AR: variants seen among roughly 807,000 people sequenced by gnomAD.
AR encodes dihydrotestosterone receptor.
In AR, 8 loss-of-function variants were observed where a neutral mutation model predicts 53.9. That is an observed-to-expected ratio of 0.15 (90% CI 0.09 to 0.27). The LOEUF (loss-of-function observed/expected upper bound fraction) is 0.27. Among genes scored for constraint, AR ranks in the 10% least tolerant of loss-of-function variants. AR has a pLI of 1.00. For missense variants in AR, 639 were observed against 742.5 expected (o/e 0.86, Z 1.62); for synonymous variants, 359 against 316.4 (o/e 1.13, Z -1.43).
intron 1 of AR, among the ~76,000 whole-genome samples, chrX:67,610,355 A>G (rs1040318753): frequency 9.0e-6 from 1 of 111,125 alleles, no homozygotes; most frequent in Non-Finnish European, 1.9e-5. Context: ...TTGGTTTGAT[A>G]TTTTTTATTA....
At chrX:67,722,257 T>A in intron 6 of AR, 1 of 304,162 alleles carries the variant, frequency 3.3e-6, no homozygotes, top group Non-Finnish European at 5.9e-6. Context: ...GTCTCTGAAT[T>A]TTTCCATAGC....
At position 67,630,315 on chromosome X, in the gene AR, G is replaced by T. The variant is rs1259579627; in HGVS notation, c.1617-12941G>T. On this transcript the variant is annotated intron_variant, in intron 1 of 7. Coordinates refer to ENST00000374690, the MANE Select transcript of AR (RefSeq NM_000044.6). The stretch of plus-strand genomic sequence containing the variant: ...ACTAAGGACTTGCTTTATGAATCTG[G>T]GTGCTCCTGTATTGGGTGCATATAT... Among the ~76,000 whole-genome samples the T allele has an allele frequency of 3.6e-5, 4 of 111,140 alleles. No homozygotes were observed. The East Asian group carries it at 1.1e-3, about 32-fold the overall frequency.
At chrX:67,685,618 A>T (rs760784323) in intron 2 of AR, among the ~76,000 whole-genome samples, 13 of 111,884 alleles carry the variant, frequency 1.2e-4, no homozygotes, top group Non-Finnish European at 2.1e-4. Flanking sequence ...AATAGGAAGA[A>T]ACATTGACTG....
At chrX:67,705,919 T>G (rs1388449122) in intron 3 of AR, among the ~76,000 whole-genome samples, 2 of 112,026 alleles carry the variant, frequency 1.8e-5, no homozygotes, top group African/African-American at 6.5e-5. Flanking sequence ...GGTTTTTGTC[T>G]TTGGTTCTGT....
intron 1 of AR, among the ~76,000 whole-genome samples, chrX:67,567,648 C>T (rs779451752): frequency 9.9e-5 from 11 of 111,656 alleles, no homozygotes; most frequent in African/African-American, 2.3e-4. Context: ...AGCAGACCTA[C>T]GCTTAAAATA....
chrX:67,608,716 C>G (rs919737926), intron 1 of AR, among the ~76,000 whole-genome samples: 1 of 111,778 alleles, frequency 8.9e-6, no homozygotes, highest in Admixed American at 9.5e-5. Context: ...GTTAATCACT[C>G]TACCAAAATT....
intron 2 of AR, among the ~76,000 whole-genome samples, chrX:67,651,190 A>G: frequency 1.0e-5 from 1 of 96,136 alleles, no homozygotes; most frequent in Admixed American, 1.3e-4. Flanking sequence ...ACAGGGGCTC[A>G]TCACCACACC....
intron 1 of AR, among the ~76,000 whole-genome samples, chrX:67,631,617 T>A (rs936375722): frequency 3.6e-5 from 4 of 112,490 alleles, no homozygotes; most frequent in Admixed American, 2.8e-4. Flanking sequence ...AATTTGATTG[T>A]CTGAAGCCTT....
intron 1 of AR, among the ~76,000 whole-genome samples, chrX:67,640,732 G>T (rs1034589069): frequency 9.1e-6 from 1 of 110,114 alleles, no homozygotes; most frequent in African/African-American, 3.3e-5. Flanking sequence ...CTGGCTAGTG[G>T]TCTATCTACA....
chrX:67,655,551 G>A (rs1602229133), intron 2 of AR, among the ~76,000 whole-genome samples: 1 of 111,407 alleles, frequency 9.0e-6, no homozygotes, highest in East Asian at 2.8e-4. Context: ...GGTATAGAGT[G>A]ATTTCCCACC....
intron 1 of AR, among the ~76,000 whole-genome samples, chrX:67,641,120 G>C (rs762688741): frequency 9.0e-6 from 1 of 110,863 alleles, no homozygotes; most frequent in African/African-American, 3.3e-5. Flanking sequence ...AACATGGTTT[G>C]TCAGTGGTTA....
chrX:67,668,561 T>A (rs1232672891), intron 2 of AR, among the ~76,000 whole-genome samples: 2 of 111,148 alleles, frequency 1.8e-5, no homozygotes, highest in African/African-American at 6.5e-5. Flanking sequence ...GTTATCAGGG[T>A]AATACTGGCC....
intron 2 of AR, among the ~76,000 whole-genome samples, chrX:67,652,830 T>C (rs1007149387): frequency 1.2e-4 from 13 of 112,114 alleles, no homozygotes; most frequent in Non-Finnish European, 2.1e-4. Context: ...AGGTATTCTA[T>C]AGTGAGAGGA....
intron 1 of AR, among the ~76,000 whole-genome samples, chrX:67,640,672 A>G (rs1482123122): frequency 1.8e-5 from 2 of 110,709 alleles, no homozygotes; most frequent in Non-Finnish European, 3.8e-5. Flanking sequence ...TATCCCCTTT[A>G]TCATTTTTTA....
intron 1 of AR, among the ~76,000 whole-genome samples, chrX:67,575,841 C>G (rs1922020738): frequency 9.0e-6 from 1 of 111,432 alleles, no homozygotes; most frequent in African/African-American, 3.3e-5. Context: ...TTCTGTTTAT[C>G]TGGTTTGTTT....
chrX:67,583,626 G>C (rs142265224), intron 1 of AR, among the ~76,000 whole-genome samples: 1,378 of 111,786 alleles, frequency 0.012, 16 homozygotes, highest in Non-Finnish European at 0.018. Flanking sequence ...TTCTCCTTTA[G>C]ATAGAGACTT....
chrX:67,722,008 A>T, intron 6 of AR, 45 bp downstream of exon 6: 1 of 1,200,102 alleles, frequency 8.3e-7, no homozygotes, highest in East Asian at 3.0e-5. Context: ...GGGCACAGAG[A>T]TTCAGAGAGG....
At chrX:67,565,881 T>G (rs1281804937) in intron 1 of AR, among the ~76,000 whole-genome samples, 2 of 111,501 alleles carry the variant, frequency 1.8e-5, no homozygotes, top group African/African-American at 6.5e-5. Context: ...TTAGTAGAGA[T>G]GAGGTTTTGT....
In AR at chrX:67,545,181, C is replaced by G; in HGVS notation, c.35C>G (p.Pro12Arg). The G allele has an allele frequency of 2.5e-6, 3 of 1,204,282 alleles. No individual in the cohort carries two copies. Among genetic ancestry groups the G allele is most frequent in the Non-Finnish European group, 3.4e-6 (3 of 892,950 alleles). Residue 12 changes from proline to arginine, a missense_variant, in exon 1 of 8, where the codon CCT (proline) becomes CGT (arginine). Physicochemically the swap from Pro to Arg is moderately radical, Grantham distance 103. Coordinates refer to ENST00000374690, the MANE Select transcript of AR (RefSeq NM_000044.6). ...EVQLGLGRVY[P>R]RPPSKTYRGA... The stretch of plus-strand genomic sequence containing the variant: ...CAGTTAGGGCTGGGAAGGGTCTACC[C>G]TCGGCCGCCGTCCAAGACCTACCGA...
Sources: allele counts gnomAD v4.1 joint callset (sites outside exome capture counted in the v4.1 genomes callset), GRCh38; gene constraint gnomAD v4.1.1; transcripts MANE v1.5; gene names NCBI Gene and HGNC (gene_info 2026-07-23, HGNC 2026-07-21).